NT5C3A: variants seen among roughly 807,000 people sequenced by gnomAD.
NT5C3A encodes cytosolic 5'-nucleotidase 3A.
A neutral mutation model predicts 40.0 loss-of-function variants in NT5C3A; 23 were observed. That is an observed-to-expected ratio of 0.58 (90% CI 0.41 to 0.81). The LOEUF (loss-of-function observed/expected upper bound fraction) is 0.81. Among genes scored for constraint, NT5C3A ranks in the 40% least tolerant of loss-of-function variants. The pLI, the probability that NT5C3A is intolerant of heterozygous loss-of-function variation, is 0.00. For synonymous variants in NT5C3A, 130 were observed against 141.4 expected (o/e 0.92, Z 0.57); for missense variants, 328 against 403.0 (o/e 0.81, Z 1.59).
In NT5C3A at chr7:33,019,666, C is replaced by T. The variant is rs1785518768; in HGVS notation, c.499G>A (p.Glu167Lys). The T allele has an allele frequency of 1.2e-6, 2 of 1,609,512 alleles. No homozygotes were observed. Among genetic ancestry groups the T allele is most frequent in the Non-Finnish European group, 1.7e-6 (2 of 1,177,096 alleles). ...ATAACGTCAGATTCTGCCACAATTTCTTTAAGTTTAGCTTTTGGTAAAGCT... is the reference window on the plus strand; with the variant it reads ...ATAACGTCAGATTCTGCCACAATTTTTTTAAGTTTAGCTTTTGGTAAAGCT... ...QQALPKAKLK[E>K]IVAESDVMLK... is the part of the protein sequence containing the mutation. The change falls in exon 6 of 9, where the codon GAA becomes AAA. Residue 167 changes from glutamate (E) to lysine (K), a missense_variant. Physicochemically the swap from Glu to Lys is moderately conservative, Grantham distance 56. Transcript: ENST00000610140.
Position 33,021,290 on chromosome 7 carries a change from T to C in NT5C3A, c.422A>G (p.Tyr141Cys). 1.2e-6 allele frequency: 2 copies of C among 1,612,534 alleles called. No homozygotes were observed. The highest frequency in any genetic ancestry group is 1.7e-6 in the Non-Finnish European group (2 of 1,178,942). Residue 141 changes from tyrosine (Y) to cysteine (C), a missense_variant, in exon 5 of 9, where the codon TAC becomes TGC. By Grantham distance (194) the Tyr-to-Cys change is radical. Around this residue, in one of 3 missense-constraint regions of NT5C3A, gnomAD observed 280 missense variants for 317.2 expected, o/e 0.88. Coordinates refer to ENST00000610140, the MANE Select transcript of NT5C3A (RefSeq NM_001002010.5). ...VDPVLTVEEK[Y>C]PYMVEWYTKS... is the part of the protein sequence containing the mutation. The stretch of plus-strand genomic sequence containing the variant: ...CACTTACCATTCCACCATATAAGGG[T>C]ACTTCTCTTCTACAGTAAGAACAGG...
intron 1 of NT5C3A, 135 bp downstream of exon 1, chr7:33,062,433 G>T (rs766755609): frequency 2.3e-5 from 18 of 781,760 alleles, no homozygotes; most frequent in Non-Finnish European, 4.1e-6. Context: ...CCGAGCTAGC[G>T]AGATCCCAGC....
At chr7:33,016,562 G>C (rs1199488436) in intron 7 of NT5C3A, among the ~76,000 whole-genome samples, 3 of 151,322 alleles carry the variant, frequency 2.0e-5, no homozygotes, top group Non-Finnish European at 4.4e-5. Flanking sequence ...CCAGCTACTC[G>C]GGAGGCTGAG....
intron 1 of NT5C3A, among the ~76,000 whole-genome samples, chr7:33,032,989 C>T (rs936016905): frequency 2.6e-5 from 4 of 152,178 alleles, no homozygotes; most frequent in East Asian, 3.8e-4. Context: ...TGAGCTCAAG[C>T]GATCCTCTTG....
chr7:33,045,362 T>C (rs1372366915), intron 1 of NT5C3A, among the ~76,000 whole-genome samples: 2 of 152,180 alleles, frequency 1.3e-5, no homozygotes, highest in Non-Finnish European at 2.9e-5. Context: ...CAAGGTACTA[T>C]AAATGTTTAT....
chr7:33,039,555 G>GTTTTTTTTTT lies in NT5C3A; in HGVS notation c.139-12641_139-12640insAAAAAAAAAA, dbSNP rs776873396. 1.4e-3 allele frequency among the ~76,000 whole-genome samples: 99 copies of GTTTTTTTTTT among 70,016 alleles called. 16 individuals carry two copies. Among genetic ancestry groups the GTTTTTTTTTT allele is most frequent in the Admixed American group, 7.6e-3 (35 of 4,628 alleles). 45.9% of individuals were successfully genotyped at this position (70,016 alleles called of 152,430 possible). A position where few individuals can be genotyped will look rare whatever the true frequency, so the allele number is the denominator to read the frequency against. ...TACTATTTGACTTTCTTAAGCTTGG[G>GTTTTTTTTTT]TTTTTTGTTTTTTTTTTTTTTTAAT... is the stretch of plus-strand genomic sequence containing the variant. On this transcript the variant is annotated intron_variant, in intron 1 of 8. Transcript: ENST00000610140.
chr7:33,053,777 T>C (rs4338000), intron 1 of NT5C3A, among the ~76,000 whole-genome samples: 110,180 of 152,012 alleles, frequency 0.72, 40,211 homozygotes, highest in African/African-American at 0.79. Flanking sequence ...GGACTCCATC[T>C]GTTAGGTAAA....
chr7:33,026,672 T>A (rs904696444), intron 2 of NT5C3A, 145 bp downstream of exon 2: 39 of 571,858 alleles, frequency 6.8e-5, no homozygotes, highest in Non-Finnish European at 8.7e-5. Flanking sequence ...TTTTTTTTTT[T>A]AAATAGAGAT....
At position 33,017,580 on chromosome 7, in the gene NT5C3A, A is replaced by G. The variant is rs1310319541; in HGVS notation, c.552T>C (p.Phe184=). ...GGATGCTATGTTGTTGGAGCTTATC[A>G]AAGAAATTCTCATATCCTTCTCTGT... ...VMLKEGYENF[F]DKLQQHSIPV... is the part of the protein sequence containing the mutation. The change falls in exon 7 of 9, where the codon TTT becomes TTC. Residue 184 remains phenylalanine (F), a synonymous_variant. Transcript: ENST00000610140. The G allele has an allele frequency of 6.2e-7, 1 of 1,613,868 alleles. No individual in the cohort carries two copies. Among genetic ancestry groups the G allele is most frequent in the African/African-American group, 1.3e-5 (1 of 75,058 alleles).
At position 33,056,473 on chromosome 7, in the gene NT5C3A, C is replaced by CAAAAAAA. The variant is rs70989927; in HGVS notation, c.138+6088_138+6094dup. Among the ~76,000 whole-genome samples, 36 of 43,720 alleles carry CAAAAAAA rather than the reference C, an allele frequency of 8.2e-4. 3 individuals carry two copies. The highest frequency in any genetic ancestry group is 1.8e-3 in the Admixed American group (4 of 2,208). The allele number at this position is 43,720 out of a possible 152,430, so 28.7% of individuals were successfully genotyped here. A position where few individuals can be genotyped will look rare whatever the true frequency, so the allele number is the denominator to read the frequency against. On this transcript the variant is annotated intron_variant, in intron 1 of 8. Transcript: ENST00000610140. ...GCAAATAGTGAGACCCCGTCTCTACCAAAAAAAAAAAAAAAAAAAAAAAAA... is the reference window on the plus strand; with the variant it reads ...GCAAATAGTGAGACCCCGTCTCTACCAAAAAAAAAAAAAAAAAAAAAAAAAAAAAAAA...
intron 1 of NT5C3A, chr7:33,036,304 G>T (rs1786601201): frequency 5.4e-6 from 2 of 367,522 alleles, no homozygotes; most frequent in Non-Finnish European, 1.0e-5. Flanking sequence ...AGACTATGCT[G>T]GTTTGGGCAG....
intron 3 of NT5C3A, among the ~76,000 whole-genome samples, chr7:33,023,065 C>A (rs868715418): frequency 6.6e-6 from 1 of 151,664 alleles, no homozygotes; most frequent in Non-Finnish European, 1.5e-5. Context: ...ACAGGCATGC[C>A]ACAATGCCCA....
chr7:33,015,368 G>C (rs1424281307), intron 8 of NT5C3A, among the ~76,000 whole-genome samples: 1 of 152,116 alleles, frequency 6.6e-6, no homozygotes, highest in African/African-American at 2.4e-5. Context: ...TTTGAGACCA[G>C]CTTGGGCAAC....
intron 6 of NT5C3A, among the ~76,000 whole-genome samples, chr7:33,018,448 C>T (rs1470974506): frequency 6.6e-6 from 1 of 152,170 alleles, no homozygotes; most frequent in African/African-American, 2.4e-5. Flanking sequence ...CAATTTATTG[C>T]TTTCCTTTTT....
intron 1 of NT5C3A, among the ~76,000 whole-genome samples, chr7:33,048,788 T>C (rs533698020): frequency 1.3e-5 from 2 of 152,338 alleles, no homozygotes; most frequent in Admixed American, 6.5e-5. Flanking sequence ...AAATTTGGCA[T>C]AATGCTGGAT....
chr7:33,031,678 A>T (rs916343041), intron 1 of NT5C3A, among the ~76,000 whole-genome samples: 1 of 152,308 alleles, frequency 6.6e-6, no homozygotes, highest in Middle Eastern at 3.4e-3. Context: ...TCTTAAACTA[A>T]AAATAAAAAA....
chr7:33,028,576 T>C (rs777811982), intron 1 of NT5C3A, among the ~76,000 whole-genome samples: 1 of 152,222 alleles, frequency 6.6e-6, no homozygotes, highest in Non-Finnish European at 1.5e-5. Flanking sequence ...ATTAGTAATA[T>C]TAACATAGTT....
chr7:33,021,349 T>G lies in NT5C3A; in HGVS notation c.363A>C (p.Gln121His), dbSNP rs1785622681. 3 of 1,610,618 alleles carry G rather than the reference T, an allele frequency of 1.9e-6. No individual in the cohort carries two copies. The highest frequency in any genetic ancestry group is 2.5e-6 in the Non-Finnish European group (3 of 1,177,758). The change falls in exon 5 of 9, where the codon CAA (glutamine) becomes CAC (histidine). Residue 121 changes from glutamine to histidine, a missense_variant. Physicochemically the swap from Gln to His is conservative, Grantham distance 24. Around this residue, in one of 3 missense-constraint regions of NT5C3A, gnomAD observed 280 missense variants for 317.2 expected, o/e 0.88. Transcript: ENST00000610140. ...VTDECRKKLLQLKEKYYAIEV... is the reference protein window; with the variant it reads ...VTDECRKKLLHLKEKYYAIEV... Reference sequence around the variant, plus strand: ...CAATAGCGTAATATTTTTCCTTTAGTTGCAATAACTAGGAAGATATGAATA... The same window carrying G: ...CAATAGCGTAATATTTTTCCTTTAGGTGCAATAACTAGGAAGATATGAATA...
chr7:33,018,828 C>T lies in NT5C3A; in HGVS notation c.530+807G>A, dbSNP rs183222661. Among the ~76,000 whole-genome samples, 1,252 of 148,192 alleles carry T rather than the reference C, an allele frequency of 8.4e-3. 55 individuals carry two copies. Among genetic ancestry groups the T allele is most frequent in the Admixed American group, 0.076 (1,127 of 14,918 alleles). On this transcript the variant is annotated intron_variant, in intron 6 of 8. Transcript: ENST00000610140. ...CAGCCTGGGTGACAGAGCGAGACTC[C>T]ATCTCAAAAAAAAAAGAAAAAAAAA...
Sources: gnomAD v4.1 joint callset for allele counts (sites outside exome capture counted in the v4.1 genomes callset) on GRCh38, gnomAD v4.1.1 for gene constraint, gnomAD v4.1.1 regional missense constraint, MANE v1.5 for transcripts, NCBI Gene and HGNC (gene_info 2026-07-23, HGNC 2026-07-21) for gene names.